RORA: variants seen among roughly 807,000 people sequenced by gnomAD.
The protein encoded by RORA is nuclear receptor ROR-alpha.
A neutral mutation model predicts 69.5 loss-of-function variants in RORA; 7 were observed. The observed-to-expected ratio is 0.10, with a 90% confidence interval of 0.06 to 0.19. The LOEUF (loss-of-function observed/expected upper bound fraction) is 0.19, where lower values mean the gene tolerates loss of function less well. RORA is among the 10% of genes least tolerant of loss of function. The pLI is 1.00. For synonymous variants in RORA, 261 were observed against 240.8 expected, an observed-to-expected ratio of 1.08 and a Z score of -0.78; for missense variants, 457 against 663.0, an observed-to-expected ratio of 0.69 and a Z score of 3.41.
chr15:61,189,813 C>T (rs1247523083), intron 1 of RORA, among the ~76,000 whole-genome samples: 3 of 143,236 alleles, frequency 2.1e-5, no homozygotes, highest in African/African-American at 7.9e-5. Context: ...GCCGAGATTG[C>T]ACCACCGCAC....
chr15:60,716,695 G>C (rs181616455), intron 1 of RORA, among the ~76,000 whole-genome samples: 1 of 152,160 alleles, frequency 6.6e-6, no homozygotes, highest in East Asian at 1.9e-4. Context: ...CTTTCTGATT[G>C]TAGGTTTTAA....
intron 1 of RORA, among the ~76,000 whole-genome samples, chr15:61,228,316 C>A (rs748395469): frequency 3.4e-4 from 51 of 152,208 alleles, no homozygotes; most frequent in Non-Finnish European, 3.7e-4. Flanking sequence ...GGGCGCCGGG[C>A]TCCGAACCCC....
chr15:60,782,729 G>T lies in RORA; in HGVS notation c.167-104043C>A, dbSNP rs764224364. ...ATTTTTAATGAGTAGTAAGAGATAA[G>T]TGAACATGTGGGAAAATGTTCATCC... is the stretch of plus-strand genomic sequence containing the variant. On this transcript the variant is annotated intron_variant, in intron 1 of 10. Coordinates refer to ENST00000335670, the MANE Select transcript of RORA (RefSeq NM_134261.3). Among the ~76,000 whole-genome samples the T allele has an allele frequency of 3.2e-4, 49 of 152,142 alleles. 1 individual carries two copies. The highest frequency in any genetic ancestry group is 2.6e-4 in the Admixed American group (4 of 15,274).
At chr15:61,058,315 A>C (rs1436619855) in intron 1 of RORA, among the ~76,000 whole-genome samples, 1 of 152,140 alleles carries the variant, frequency 6.6e-6, no homozygotes, top group Non-Finnish European at 1.5e-5. Flanking sequence ...CTTCTGAGCC[A>C]CTCTTGGCAC....
intron 1 of RORA, among the ~76,000 whole-genome samples, chr15:60,997,169 A>C (rs1343721339): frequency 6.6e-6 from 1 of 152,042 alleles, no homozygotes; most frequent in East Asian, 1.9e-4. Context: ...GGGAGCTTGG[A>C]GGGGAGGGTC....
At chr15:61,172,799 G>A in intron 1 of RORA, among the ~76,000 whole-genome samples, 1 of 152,056 alleles carries the variant, frequency 6.6e-6, no homozygotes, top group South Asian at 2.1e-4. Flanking sequence ...CAGAGCTTAA[G>A]TCTAAGGGTC....
At chr15:60,848,345 G>A (rs1470685712) in intron 1 of RORA, 1 of 152,222 alleles carries the variant, frequency 6.6e-6, no homozygotes, top group Non-Finnish European at 1.5e-5. Context: ...TTATCCATGT[G>A]GGCCCCATAT....
chr15:61,123,300 C>T (rs888849784), intron 1 of RORA, among the ~76,000 whole-genome samples: 1 of 152,034 alleles, frequency 6.6e-6, no homozygotes, highest in Non-Finnish European at 1.5e-5. Flanking sequence ...GAGGGGGGAG[C>T]AGGGAAGGGG....
At chr15:60,964,236 T>C (rs1893488958) in intron 1 of RORA, among the ~76,000 whole-genome samples, 1 of 152,210 alleles carries the variant, frequency 6.6e-6, no homozygotes, top group Non-Finnish European at 1.5e-5. Context: ...GGAATATTTT[T>C]GGTGCCTGAG....
At chr15:60,675,419 T>C (rs1018516422) in intron 2 of RORA, among the ~76,000 whole-genome samples, 2 of 152,378 alleles carry the variant, frequency 1.3e-5, no homozygotes, top group African/African-American at 2.4e-5. Context: ...CTCTCTTTTA[T>C]GTTTGCACAC....
At chr15:60,709,196 G>T (rs1405660030) in intron 1 of RORA, among the ~76,000 whole-genome samples, 1 of 152,128 alleles carries the variant, frequency 6.6e-6, no homozygotes, top group Non-Finnish European at 1.5e-5. Flanking sequence ...TATCTTTGAA[G>T]TGACTACATT....
intron 1 of RORA, among the ~76,000 whole-genome samples, chr15:60,836,805 T>C (rs916810404): frequency 1.3e-5 from 2 of 152,090 alleles, no homozygotes; most frequent in African/African-American, 4.8e-5. Context: ...ATGAGCTCTC[T>C]CCTAAAATAT....
chr15:60,584,107 G>C (rs147414155), intron 2 of RORA, among the ~76,000 whole-genome samples: 1 of 152,354 alleles, frequency 6.6e-6, no homozygotes, highest in East Asian at 1.9e-4. Flanking sequence ...TGACAGGCTA[G>C]AACAGAGAGC....
intron 1 of RORA, chr15:60,706,402 T>C (rs1302555945): frequency 2.0e-5 from 3 of 152,416 alleles, no homozygotes; most frequent in South Asian, 2.1e-4. Flanking sequence ...CTGTCCATTG[T>C]TCTCTGCAAA....
chr15:61,050,227 G>A (rs1897231775), intron 1 of RORA, among the ~76,000 whole-genome samples: 1 of 152,178 alleles, frequency 6.6e-6, no homozygotes, highest in South Asian at 2.1e-4. Context: ...CTTTCACACT[G>A]CAGCCGCAGC....
At chr15:60,894,462 G>C (rs769661211) in intron 1 of RORA, among the ~76,000 whole-genome samples, 2 of 152,194 alleles carry the variant, frequency 1.3e-5, no homozygotes, top group Non-Finnish European at 2.9e-5. Flanking sequence ...CTGCAGATGA[G>C]GCTTCCGAAG....
At chr15:60,807,559 G>A (rs2072677360) in intron 1 of RORA, among the ~76,000 whole-genome samples, 1 of 152,022 alleles carries the variant, frequency 6.6e-6, no homozygotes, top group Non-Finnish European at 1.5e-5. Context: ...ATTCTTCACA[G>A]AACTAGAAAA....
chr15:60,612,155 T>G (rs796988582), intron 2 of RORA, among the ~76,000 whole-genome samples: 3 of 152,358 alleles, frequency 2.0e-5, no homozygotes, highest in African/African-American at 7.2e-5. Context: ...ACAGACACAT[T>G]GGAAACTAAC....
At chr15:60,724,935 T>C (rs959683339) in intron 1 of RORA, among the ~76,000 whole-genome samples, 14 of 152,224 alleles carry the variant, frequency 9.2e-5, no homozygotes, top group African/African-American at 3.4e-4. Context: ...ATGATAGCTC[T>C]GTAGCTTCAT....
Sources: gnomAD v4.1 joint callset for allele counts (sites outside exome capture counted in the v4.1 genomes callset) on GRCh38, gnomAD v4.1.1 for gene constraint, MANE v1.5 for transcripts, NCBI Gene and HGNC (gene_info 2026-07-23, HGNC 2026-07-21) for gene names.